PLCE1: variants seen among roughly 807,000 people sequenced by gnomAD.
PLCE1 encodes the protein 1-phosphatidylinositol 4,5-bisphosphate phosphodiesterase epsilon-1.
In PLCE1, 119 loss-of-function variants were observed where a neutral mutation model predicts 242.8. The ratio of observed to expected loss-of-function variants is 0.49; its 90% CI spans 0.42 to 0.57. The LOEUF (loss-of-function observed/expected upper bound fraction) is 0.57. Among genes scored for constraint, PLCE1 ranks in the 20% least tolerant of loss-of-function variants. PLCE1 has a pLI of 0.00. For missense variants in PLCE1, 2,441 were observed against 2,788.8 expected (o/e 0.88, Z 2.81); for synonymous variants, 945 against 1,017.4 (o/e 0.93, Z 1.35).
chr10:94,100,209 A>G (rs1378292520), intron 2 of PLCE1: 3 of 152,250 alleles, frequency 2.0e-5, no homozygotes, highest in Admixed American at 6.5e-5. Flanking sequence ...AGATAGTGCC[A>G]GAAAGACCCA....
At chr10:94,024,570 A>G (rs1277135342) in intron 1 of PLCE1, among the ~76,000 whole-genome samples, 1 of 152,064 alleles carries the variant, frequency 6.6e-6, no homozygotes, top group Non-Finnish European at 1.5e-5. Context: ...GACTTTACTG[A>G]TCTCTTGGTT....
At chr10:94,324,836 T>C (rs1424522411) in intron 31 of PLCE1, 56 bp from the exon 32 acceptor site, 2 of 1,538,158 alleles carry the variant, frequency 1.3e-6, no homozygotes, top group African/African-American at 2.7e-5. Flanking sequence ...TAGTGTCATG[T>C]GACAGAGGAA....
Position 94,181,405 on chromosome 10 carries a change from T to C in PLCE1, c.1809+9909T>C, listed in dbSNP as rs1482471931. Among the ~76,000 whole-genome samples the C allele has an allele frequency of 2.0e-5, 3 of 151,736 alleles. No individual in the cohort carries two copies. The East Asian group carries it at 5.8e-4, about 29-fold the overall frequency. ...GGCCAAAATGGTGAAACCCCGTCTC[T>C]ACTAAAAAATACAAAAAAAAATTAG... On this transcript the variant is annotated intron_variant, in intron 4 of 32. Coordinates refer to ENST00000371380, the MANE Select transcript of PLCE1 (RefSeq NM_016341.4).
At position 94,321,994 on chromosome 10, in the gene PLCE1, C is replaced by G; in HGVS notation, c.6436C>G (p.Pro2146Ala). 1 of 1,614,034 alleles carries G rather than the reference C, an allele frequency of 6.2e-7. No individual in the cohort carries two copies. The highest frequency in any genetic ancestry group is 8.5e-7 in the Non-Finnish European group (1 of 1,179,966). Residue 2146 changes from proline to alanine, a missense_variant, in exon 30 of 33, where the codon CCA becomes GCA. Pro to Ala is a conservative substitution (Grantham distance 27). Around this residue, in one of 5 missense-constraint regions of PLCE1, gnomAD observed 310 missense variants for 317.2 expected, o/e 0.98. Transcript: ENST00000371380. ...CTTTGTCCAAGTGCATGATGTTTCT[C>G]CAGAGCAACCTCGAACAGTCATCAA... ...SFFVQVHDVSPEQPRTVIKAP... is the reference protein window; with the variant it reads ...SFFVQVHDVSAEQPRTVIKAP...
intron 28 of PLCE1, among the ~76,000 whole-genome samples, chr10:94,315,766 T>C (rs2053546287): frequency 1.9e-5 from 1 of 53,202 alleles, no homozygotes; most frequent in Non-Finnish European, 3.4e-5. Context: ...GGAGACTCTG[T>C]CTCAAAAAAA....
chr10:94,008,191 CAAA>C lies in PLCE1; in HGVS notation c.-365+13954_-365+13956del, dbSNP rs745999207. On this transcript the variant is annotated intron_variant, in intron 1 of 32. Transcript: ENST00000371380. Reference sequence around the variant, plus strand: ...TGGACAACAGAGTGAGACCTTGTCTCAAAAAAAAAAAAAAAAAAAAAAAGTAAC... The same window carrying C: ...TGGACAACAGAGTGAGACCTTGTCTCAAAAAAAAAAAAAAAAAAAAGTAAC... Among the ~76,000 whole-genome samples the C allele has an allele frequency of 7.5e-3, 414 of 55,228 alleles. 1 individual carries two copies. Among genetic ancestry groups the C allele is most frequent in the African/African-American group, 0.024 (378 of 15,616 alleles). 36.2% of individuals were successfully genotyped at this position (55,228 alleles called of 152,430 possible). A position where few individuals can be genotyped will look rare whatever the true frequency, so the allele number is the denominator to read the frequency against.
chr10:94,215,872 A>G (rs1435936121), intron 4 of PLCE1, among the ~76,000 whole-genome samples: 1 of 152,138 alleles, frequency 6.6e-6, no homozygotes, highest in Admixed American at 6.6e-5. Flanking sequence ...TCAGTGAGCT[A>G]TGATCATGCC....
chr10:94,327,855 C>T, intron 32 of PLCE1, 113 bp from the exon 33 acceptor site: 1 of 359,258 alleles, frequency 2.8e-6, no homozygotes, highest in Non-Finnish European at 5.9e-6. Flanking sequence ...GTCTCTTCCC[C>T]AAACCTAGCC....
chr10:94,298,263 T>C lies in PLCE1; in HGVS notation c.5168-116T>C. 1.1e-6 allele frequency: 1 copy of C among 874,570 alleles called. No homozygotes were observed. Among genetic ancestry groups the C allele is most frequent in the Non-Finnish European group, 1.8e-6 (1 of 541,220 alleles). The allele number at this position is 874,570 out of a possible 1,614,324, so 54.2% of individuals were successfully genotyped here. On this transcript the variant is annotated intron_variant, in intron 23 of 32. Transcript: ENST00000371380. The surrounding 1 kb of genome is among the most constrained non-coding windows in gnomAD (Gnocchi z 5.2). ...TAACTCACAAGTAAAATCCAAGAGG[T>C]ATTCTGATGTGGTTTATATGCTATG... is the stretch of plus-strand genomic sequence containing the variant.
intron 2 of PLCE1, among the ~76,000 whole-genome samples, chr10:94,102,444 C>T (rs1462797864): frequency 1.3e-5 from 2 of 152,230 alleles, no homozygotes; most frequent in Admixed American, 1.3e-4. Context: ...TCAGTTTTTA[C>T]TTTAATAAAT....
At chr10:94,012,662 G>A (rs2061193593) in intron 1 of PLCE1, among the ~76,000 whole-genome samples, 1 of 152,086 alleles carries the variant, frequency 6.6e-6, no homozygotes, top group African/African-American at 2.4e-5. Flanking sequence ...AGCCCAAAGT[G>A]GGAGAGTGGC....
intron 27 of PLCE1, among the ~76,000 whole-genome samples, chr10:94,309,262 C>G (rs1044601483): frequency 6.6e-6 from 1 of 152,146 alleles, no homozygotes; most frequent in African/African-American, 2.4e-5. Flanking sequence ...GCAGAAGCTG[C>G]TCCCTTGAGA....
intron 4 of PLCE1, among the ~76,000 whole-genome samples, chr10:94,174,079 T>G (rs1267702029): frequency 6.6e-6 from 1 of 152,244 alleles, no homozygotes; most frequent in Non-Finnish European, 1.5e-5. Flanking sequence ...GGAGTTTGCA[T>G]TTATTTAATA....
rs398046178 is a variant in PLCE1 at position 94,093,934 on chromosome 10, C to CTTTTTTT, written c.1207-38221_1207-38215dup. Among the ~76,000 whole-genome samples, 65 of 79,186 alleles carry CTTTTTTT rather than the reference C, an allele frequency of 8.2e-4. 2 individuals are homozygous for CTTTTTTT. Among genetic ancestry groups the CTTTTTTT allele is most frequent in the East Asian group, 1.8e-3 (4 of 2,248 alleles). The allele number at this position is 79,186 out of a possible 152,430, so 51.9% of individuals were successfully genotyped here. A position where few individuals can be genotyped will look rare whatever the true frequency, so the allele number is the denominator to read the frequency against. On this transcript the variant is annotated intron_variant, in intron 2 of 32. Transcript: ENST00000371380. ...TCATTCAGTCATTTAATCGGTATTT[C>CTTTTTTT]TTTTTTTTTTTTTTTTTTTTTTTTT...
At chr10:94,223,429 A>G (rs185098357) in intron 4 of PLCE1, among the ~76,000 whole-genome samples, 130 of 152,172 alleles carry the variant, frequency 8.5e-4, no homozygotes, top group Non-Finnish European at 1.5e-3. Context: ...TTTGCAGAGG[A>G]CACAAGCAAG....
At chr10:94,114,846 C>T (rs1338462380) in intron 2 of PLCE1, among the ~76,000 whole-genome samples, 1 of 151,850 alleles carries the variant, frequency 6.6e-6, no homozygotes, top group Admixed American at 6.6e-5. Context: ...TATACATGTG[C>T]CATGTTGGTG....
At chr10:94,151,166 C>T (rs931325596) in intron 3 of PLCE1, among the ~76,000 whole-genome samples, 2 of 152,208 alleles carry the variant, frequency 1.3e-5, no homozygotes, top group Non-Finnish European at 2.9e-5. Flanking sequence ...GGCCTCCATC[C>T]TCCCACCTCC....
At chr10:94,206,097 G>A (rs1300248979) in intron 4 of PLCE1, among the ~76,000 whole-genome samples, 1 of 152,214 alleles carries the variant, frequency 6.6e-6, no homozygotes, top group African/African-American at 2.4e-5. Flanking sequence ...AGAGGGATGG[G>A]AAGTGTTGGG....
chr10:94,038,364 A>G (rs2061705742), intron 2 of PLCE1, among the ~76,000 whole-genome samples: 1 of 152,210 alleles, frequency 6.6e-6, no homozygotes, highest in Non-Finnish European at 1.5e-5. Flanking sequence ...TTCTGGCACC[A>G]TGACAACCAA....
Sources: gnomAD v4.1 joint callset for allele counts (sites outside exome capture counted in the v4.1 genomes callset) on GRCh38, gnomAD v4.1.1 for gene constraint, gnomAD v4.1.1 regional missense constraint, Gnocchi (gnomAD v3.1) non-coding constraint, MANE v1.5 for transcripts, NCBI Gene and HGNC (gene_info 2026-07-23, HGNC 2026-07-21) for gene names.